LIMS4: variants seen among roughly 807,000 people sequenced by gnomAD.
The protein encoded by LIMS4 is LIM zinc finger domain containing 4, also known as LIM and senescent cell antigen-like-containing domain protein 4.
At chr2:110,411,536 C>T in the LIMS4 span, among the ~76,000 whole-genome samples, 1 of 137,130 alleles carries the variant, frequency 7.3e-6, no homozygotes, top group African/African-American at 3.3e-5. Flanking sequence ...CCTTACAGTC[C>T]CAGTGAGGCC....
the LIMS4 span, among the ~76,000 whole-genome samples, chr2:110,366,005 GA>G: frequency 6.6e-6 from 1 of 151,196 alleles, no homozygotes; most frequent in Non-Finnish European, 1.5e-5. Context: ...GACTAATAAT[GA>G]GTTTTGAAAT....
the LIMS4 span, among the ~76,000 whole-genome samples, chr2:110,427,201 ATTTG>A: frequency 8.5e-6 from 1 of 118,266 alleles, no homozygotes. Context: ...TTTCTTGCTG[ATTTG>A]TTTGAGTTCC....
At chr2:110,391,245 C>T in the LIMS4 span, among the ~76,000 whole-genome samples, 1 of 147,764 alleles carries the variant, frequency 6.8e-6, no homozygotes, top group African/African-American at 2.6e-5. Flanking sequence ...CGTAACCGCC[C>T]GTAACAATGG....
chr2:110,391,122 C>T, the LIMS4 span, among the ~76,000 whole-genome samples: 231 of 88,572 alleles, frequency 2.6e-3, no homozygotes, highest in South Asian at 0.018. Context: ...AGGGGGACAG[C>T]GTGGCTGGAG....
At chr2:110,447,541 G>A (rs1459355397) in intron 8 of LIMS4, among the ~76,000 whole-genome samples, 1 of 8,546 alleles carries the variant, frequency 1.2e-4, no homozygotes, top group African/African-American at 2.8e-4. Flanking sequence ...TGCAACCTCC[G>A]CCTCCTGGGT....
chr2:110,401,792 CT>C, the LIMS4 span, among the ~76,000 whole-genome samples: 1 of 80,806 alleles, frequency 1.2e-5, no homozygotes, highest in South Asian at 6.5e-4. Context: ...TGGTTCACAA[CT>C]GCCGCACTGG....
chr2:110,397,427 A>C, the LIMS4 span: 1 of 146,106 alleles, frequency 6.8e-6, no homozygotes, highest in Non-Finnish European at 1.5e-5. Context: ...ATTGCTGTAC[A>C]CCATGGCCAG....
At chr2:110,381,910 T>C in the LIMS4 span, among the ~76,000 whole-genome samples, 1 of 39,458 alleles carries the variant, frequency 2.5e-5, no homozygotes, top group East Asian at 6.5e-4. Context: ...CTACTAAAAA[T>C]ACAAAAATTA....
At chr2:110,366,034 A>C in the LIMS4 span, among the ~76,000 whole-genome samples, 1 of 151,358 alleles carries the variant, frequency 6.6e-6, no homozygotes, top group East Asian at 1.9e-4. Flanking sequence ...GTAATAAAAT[A>C]ATTTCCATCT....
At chr2:110,367,869 T>C in the LIMS4 span, among the ~76,000 whole-genome samples, 1 of 139,876 alleles carries the variant, frequency 7.1e-6, no homozygotes, top group Non-Finnish European at 1.5e-5. Context: ...AGGGACAGAA[T>C]GAGACCCCTC....
At chr2:110,367,645 G>A in the LIMS4 span, among the ~76,000 whole-genome samples, 1 of 145,302 alleles carries the variant, frequency 6.9e-6, no homozygotes, top group Non-Finnish European at 1.5e-5. Context: ...GGGAGGCCAA[G>A]GCAGGTGGAT....
At chr2:110,360,702 T>C in the LIMS4 span, 1 of 1,604,500 alleles carries the variant, frequency 6.2e-7, no homozygotes, top group Non-Finnish European at 8.5e-7. Flanking sequence ...CAAAAGTTTT[T>C]GCGCACACTT....
chr2:110,391,322 C>T, the LIMS4 span, among the ~76,000 whole-genome samples: 1 of 133,746 alleles, frequency 7.5e-6, no homozygotes, highest in Non-Finnish European at 1.6e-5. Flanking sequence ...GGGGGCTGGA[C>T]TGAGGTCTCC....
chr2:110,390,121 G>A, the LIMS4 span, among the ~76,000 whole-genome samples: 3 of 128,362 alleles, frequency 2.3e-5, no homozygotes, highest in Non-Finnish European at 4.8e-5. Flanking sequence ...AGTCCCACAG[G>A]CTCAGAAAGC....
chr2:110,427,032 CTTGCAAGAGTAGGTAGTATCTCATTG>C, the LIMS4 span, among the ~76,000 whole-genome samples: 4 of 133,072 alleles, frequency 3.0e-5, 1 homozygote, highest in Non-Finnish European at 6.1e-5. Context: ...TATGGCCATT[CTTGCAAGAGTAGGTAGTATCTCATTG>C]TGGTTGTAAT....
chr2:110,373,656 G>A, the LIMS4 span, among the ~76,000 whole-genome samples: 3 of 151,582 alleles, frequency 2.0e-5, no homozygotes, highest in Non-Finnish European at 2.9e-5. Flanking sequence ...CCCAGTCACA[G>A]GGCTGGTCAG....
the LIMS4 span, among the ~76,000 whole-genome samples, chr2:110,390,894 G>A: frequency 6.6e-6 from 1 of 152,306 alleles, no homozygotes; most frequent in Non-Finnish European, 1.5e-5. Flanking sequence ...GGGGAAAGGA[G>A]CAAGTGCTGT....
the LIMS4 span, among the ~76,000 whole-genome samples, chr2:110,366,648 C>T: frequency 6.6e-6 from 1 of 152,108 alleles, no homozygotes; most frequent in African/African-American, 2.4e-5. Context: ...AGGATACCCA[C>T]TCCCATCACT....
At chr2:110,378,887 C>T in the LIMS4 span, among the ~76,000 whole-genome samples, 1 of 138,584 alleles carries the variant, frequency 7.2e-6, no homozygotes, top group Non-Finnish European at 1.5e-5. Context: ...ATAATGGCCA[C>T]CTTGCAGGCT....
Sources: gnomAD v4.1 joint callset for allele counts (sites outside exome capture counted in the v4.1 genomes callset) on GRCh38, gnomAD v4.1.1 for gene constraint, MANE v1.5 for transcripts, NCBI Gene and HGNC (gene_info 2026-07-23, HGNC 2026-07-21) for gene names.